FGF13: variants seen among roughly 807,000 people sequenced by gnomAD.
FGF13 encodes fibroblast growth factor homologous factor 2.
A neutral mutation model predicts 19.5 loss-of-function variants in FGF13; 2 were observed. The ratio of observed to expected loss-of-function variants is 0.10; its 90% CI spans 0.04 to 0.32. The LOEUF (loss-of-function observed/expected upper bound fraction) is 0.32. FGF13 is among the 10% of genes least tolerant of loss of function. The pLI, the probability that FGF13 is intolerant of heterozygous loss-of-function variation, is 1.00. For synonymous variants in FGF13, 72 were observed against 76.9 expected (o/e 0.94, Z 0.33); for missense variants, 113 against 192.7 (o/e 0.59, Z 2.45).
chrX:139,130,465 T>A (rs2148232587), intron 1 of FGF13, among the ~76,000 whole-genome samples: 1 of 112,298 alleles, frequency 8.9e-6, no homozygotes, highest in Non-Finnish European at 1.9e-5. Context: ...TTGCTTTGAA[T>A]TACATGACAT....
intron 3 of FGF13, among the ~76,000 whole-genome samples, chrX:138,819,515 T>C (rs2090984369): frequency 9.0e-6 from 1 of 111,613 alleles, no homozygotes; most frequent in African/African-American, 3.3e-5. Flanking sequence ...TCTCTGAGAT[T>C]TGTATGCTCT....
intron 1 of FGF13, among the ~76,000 whole-genome samples, chrX:138,897,658 C>T (rs1032485831): frequency 1.8e-5 from 2 of 111,285 alleles, no homozygotes; most frequent in African/African-American, 6.5e-5. Flanking sequence ...TTTAAGGGTC[C>T]GTCTGAGGCT....
chrX:139,011,361 CAAAAAAA>C (rs3047329), intron 1 of FGF13, among the ~76,000 whole-genome samples: 879 of 82,928 alleles, frequency 0.011, 8 homozygotes, highest in African/African-American at 0.038. Context: ...AACAAACAAA[CAAAAAAA>C]AAAAAAAAAA....
chrX:139,179,869 T>C (rs2084225892), intron 1 of FGF13, among the ~76,000 whole-genome samples: 1 of 113,269 alleles, frequency 8.8e-6, no homozygotes. Flanking sequence ...GTCAGTCATT[T>C]AACTGTATGG....
chrX:138,792,883 T>C (rs909426564), intron 3 of FGF13, among the ~76,000 whole-genome samples: 3 of 111,590 alleles, frequency 2.7e-5, no homozygotes, highest in Non-Finnish European at 5.6e-5. Flanking sequence ...CTGCCCTAAC[T>C]CCTGTAACCT....
chrX:138,938,524 G>C (rs1399582966), intron 1 of FGF13, among the ~76,000 whole-genome samples: 1 of 111,087 alleles, frequency 9.0e-6, no homozygotes, highest in Admixed American at 9.6e-5. Context: ...AGAGTGGCGA[G>C]CTCTTGGCCT....
intron 1 of FGF13, among the ~76,000 whole-genome samples, chrX:138,982,253 C>T (rs139990390): frequency 0.016 from 1,757 of 111,335 alleles, 11 homozygotes; most frequent in Middle Eastern, 0.028. Context: ...CGTAGTTGTG[C>T]TTGGAATATG....
At chrX:138,972,056 T>TTG (rs370317832) in intron 1 of FGF13, among the ~76,000 whole-genome samples, 161 of 94,981 alleles carry the variant, frequency 1.7e-3, no homozygotes, top group East Asian at 0.01. Flanking sequence ...TAGTATTCTA[T>TTG]TGTGTGTGTG....
intron 1 of FGF13, among the ~76,000 whole-genome samples, chrX:139,113,563 A>G (rs1286549777): frequency 8.9e-6 from 1 of 112,673 alleles, no homozygotes; most frequent in East Asian, 2.8e-4. Flanking sequence ...ATATTCAATC[A>G]CAAATGTTGT....
intron 3 of FGF13, among the ~76,000 whole-genome samples, chrX:138,764,589 G>C (rs1198158495): frequency 8.9e-6 from 1 of 112,016 alleles, no homozygotes; most frequent in African/African-American, 3.2e-5. Flanking sequence ...CGAATGTCAA[G>C]GTCTGTAACT....
At chrX:138,774,857 T>G (rs2090576604) in intron 3 of FGF13, among the ~76,000 whole-genome samples, 1 of 112,652 alleles carries the variant, frequency 8.9e-6, no homozygotes, top group Non-Finnish European at 1.9e-5. Flanking sequence ...AATAGTTGAT[T>G]GTCAGCAATT....
At chrX:138,946,545 T>G (rs1426844263) in intron 1 of FGF13, among the ~76,000 whole-genome samples, 1 of 112,111 alleles carries the variant, frequency 8.9e-6, no homozygotes. Context: ...TCTTTGAATC[T>G]CAATTATTGC....
At chrX:139,153,755 T>C (rs113228916) in intron 1 of FGF13, among the ~76,000 whole-genome samples, 1 of 111,512 alleles carries the variant, frequency 9.0e-6, no homozygotes, top group South Asian at 3.8e-4. Context: ...GGTAAGATGA[T>C]GTCATAGTGG....
chrX:139,108,305 T>A (rs1199567447), intron 1 of FGF13, among the ~76,000 whole-genome samples: 1 of 111,829 alleles, frequency 8.9e-6, no homozygotes, highest in African/African-American at 3.3e-5. Context: ...GGCAGTCTTA[T>A]AAATGCCTTA....
chrX:138,866,578 C>G (rs982590678), intron 1 of FGF13, among the ~76,000 whole-genome samples: 2 of 110,904 alleles, frequency 1.8e-5, no homozygotes, highest in South Asian at 7.7e-4. Flanking sequence ...CGCTCCCACC[C>G]CCACCACCAC....
intron 1 of FGF13, among the ~76,000 whole-genome samples, chrX:139,023,677 C>G (rs1365603223): frequency 9.0e-6 from 1 of 111,375 alleles, no homozygotes; most frequent in Non-Finnish European, 1.9e-5. Context: ...TAAGTATATA[C>G]AGTAAGTCGA....
intron 1 of FGF13, among the ~76,000 whole-genome samples, chrX:139,050,260 ACTTT>A (rs770080510): frequency 1.8e-5 from 2 of 112,136 alleles, no homozygotes; most frequent in African/African-American, 6.5e-5. Context: ...ATGGTAATCA[ACTTT>A]CTTTCTCCAG....
At chrX:139,056,335 C>T (rs1327531742) in intron 1 of FGF13, among the ~76,000 whole-genome samples, 1 of 112,338 alleles carries the variant, frequency 8.9e-6, no homozygotes, top group Non-Finnish European at 1.9e-5. Flanking sequence ...ACCTTGAAAC[C>T]TGGACAGCCA....
intron 1 of FGF13, among the ~76,000 whole-genome samples, chrX:139,051,675 A>T (rs921206305): frequency 8.9e-6 from 1 of 112,808 alleles, no homozygotes; most frequent in Non-Finnish European, 1.9e-5. Flanking sequence ...GCAGTGACTG[A>T]TCTAGAACAA....
Sources: gnomAD v4.1 joint callset for allele counts (sites outside exome capture counted in the v4.1 genomes callset) on GRCh38, gnomAD v4.1.1 for gene constraint, MANE v1.5 for transcripts, NCBI Gene and HGNC (gene_info 2026-07-23, HGNC 2026-07-21) for gene names.